The following NDUFAF2 variants were observed in gnomAD, a reference collection of about 807,000 sequenced individuals.
NDUFAF2 encodes the protein NADH:ubiquinone oxidoreductase complex assembly factor 2.
NDUFAF2 carries 13 observed loss-of-function variants against 22.8 expected under a neutral mutation model. The ratio of observed to expected loss-of-function variants is 0.57; its 90% confidence interval spans 0.37 to 0.91. The LOEUF (loss-of-function observed/expected upper bound fraction) is 0.91. Among genes scored for constraint, NDUFAF2 ranks in the 40% least tolerant of loss-of-function variants. The pLI, the probability that NDUFAF2 is intolerant of heterozygous loss-of-function variation, is 0.01. For missense variants in NDUFAF2, 162 were observed against 195.2 expected (o/e 0.83, Z 1.01); for synonymous variants, 53 against 64.2 (o/e 0.83, Z 0.84).
intron 1 of NDUFAF2, among the ~76,000 whole-genome samples, chr5:61,066,098 C>A (rs555401280): frequency 6.6e-6 from 1 of 151,930 alleles, no homozygotes; most frequent in East Asian, 1.9e-4. Context: ...AGAAACCATC[C>A]CATTTATGAC....
At chr5:61,005,016 C>G (rs1751347724) in intron 1 of NDUFAF2, among the ~76,000 whole-genome samples, 1 of 151,886 alleles carries the variant, frequency 6.6e-6, no homozygotes, top group African/African-American at 2.4e-5. Flanking sequence ...TATACATGTG[C>G]CATGTTGGTT....
chr5:60,971,286 C>CTTTTT (rs70977817), intron 1 of NDUFAF2, among the ~76,000 whole-genome samples: 3 of 144,314 alleles, frequency 2.1e-5, no homozygotes, highest in African/African-American at 7.6e-5. Context: ...TTCTTTCTTT[C>CTTTTT]TTTTTTTTTT....
At chr5:60,945,971 C>T (rs557627018) in intron 1 of NDUFAF2, among the ~76,000 whole-genome samples, 3 of 152,248 alleles carry the variant, frequency 2.0e-5, no homozygotes, top group African/African-American at 7.2e-5. Context: ...AGGTCCATAT[C>T]CCCACAAGGC....
chr5:61,010,527 A>G (rs1430329834), intron 1 of NDUFAF2, among the ~76,000 whole-genome samples: 2 of 151,904 alleles, frequency 1.3e-5, no homozygotes, highest in Admixed American at 6.6e-5. Context: ...ATTTAAATAC[A>G]TCTTCCCTGG....
intron 1 of NDUFAF2, among the ~76,000 whole-genome samples, chr5:60,991,574 G>T (rs1751158692): frequency 6.6e-6 from 1 of 152,080 alleles, no homozygotes; most frequent in Non-Finnish European, 1.5e-5. Context: ...TTCTGTGTCT[G>T]GCTTATTTCA....
chr5:60,972,843 T>G (rs1750854477), intron 1 of NDUFAF2, among the ~76,000 whole-genome samples: 1 of 150,058 alleles, frequency 6.7e-6, no homozygotes, highest in South Asian at 2.1e-4. Flanking sequence ...TATAGGAAGG[T>G]TTGTAGTTTT....
chr5:61,152,381 T>C (rs1385664994), intron 3 of NDUFAF2, among the ~76,000 whole-genome samples: 1 of 152,196 alleles, frequency 6.6e-6, no homozygotes, highest in Non-Finnish European at 1.5e-5. Context: ...GTGTTAAGCT[T>C]AGGAAATCTT....
At chr5:60,972,350 A>T (rs1300804922) in intron 1 of NDUFAF2, among the ~76,000 whole-genome samples, 1 of 151,714 alleles carries the variant, frequency 6.6e-6, no homozygotes, top group African/African-American at 2.4e-5. Flanking sequence ...CAAGGGCGGG[A>T]TCAAGTGGAG....
At chr5:60,958,078 G>A (rs573229202) in intron 1 of NDUFAF2, among the ~76,000 whole-genome samples, 2 of 152,302 alleles carry the variant, frequency 1.3e-5, no homozygotes, top group South Asian at 4.1e-4. Flanking sequence ...TTCTAAGCAA[G>A]TCTGTTCACT....
intron 1 of NDUFAF2, among the ~76,000 whole-genome samples, chr5:60,970,801 A>G (rs547044469): frequency 8.5e-5 from 13 of 152,150 alleles, no homozygotes; most frequent in Non-Finnish European, 1.8e-4. Flanking sequence ...GTTTTTCTCC[A>G]TTCTCTCCAT....
chr5:61,128,900 A>G (rs139321502), intron 3 of NDUFAF2, among the ~76,000 whole-genome samples: 1 of 151,366 alleles, frequency 6.6e-6, no homozygotes, highest in Non-Finnish European at 1.5e-5. Context: ...AATCTACTCA[A>G]CTGACAAAGG....
chr5:61,136,765 A>C (rs1270536330), intron 3 of NDUFAF2, among the ~76,000 whole-genome samples: 3 of 152,216 alleles, frequency 2.0e-5, no homozygotes, highest in Admixed American at 2.0e-4. Flanking sequence ...TTTTGCCAGC[A>C]GCCCTCTGAG....
At chr5:61,026,597 C>T (rs1561545077) in intron 1 of NDUFAF2, among the ~76,000 whole-genome samples, 2 of 151,996 alleles carry the variant, frequency 1.3e-5, no homozygotes, top group Admixed American at 6.6e-5. Flanking sequence ...GAATATAATA[C>T]GAGCTTGTTT....
rs578140095 is a variant in NDUFAF2, at chr5:61,106,896, G to A, written c.258+7864G>A. On this transcript the variant is annotated intron_variant, in intron 3 of 3. Coordinates refer to ENST00000296597, the MANE Select transcript of NDUFAF2 (RefSeq NM_174889.5). ...CTTTATGGCTGAATAGCACTTCACT[G>A]TGTGTATATATCACATTTTCTTTAT... Among the ~76,000 whole-genome samples the A allele has an allele frequency of 1.5e-4, 23 of 151,348 alleles. 1 individual carries two copies. The highest frequency in any genetic ancestry group is 5.6e-4 in the African/African-American group (23 of 40,712).
At chr5:61,019,114 T>C (rs1484900428) in intron 1 of NDUFAF2, among the ~76,000 whole-genome samples, 1 of 152,124 alleles carries the variant, frequency 6.6e-6, no homozygotes, top group African/African-American at 2.4e-5. Flanking sequence ...GAAATGATGA[T>C]TATCAAAACG....
chr5:61,031,733 A>G (rs1020664638), intron 1 of NDUFAF2, among the ~76,000 whole-genome samples: 2 of 152,174 alleles, frequency 1.3e-5, no homozygotes, highest in Admixed American at 6.6e-5. Context: ...TCCTTTGAGT[A>G]TATACACAGT....
intron 2 of NDUFAF2, among the ~76,000 whole-genome samples, chr5:61,079,833 T>C (rs1752418563): frequency 6.6e-6 from 1 of 152,192 alleles, no homozygotes; most frequent in African/African-American, 2.4e-5. Flanking sequence ...GACTCCCAGC[T>C]CCATCTTCTT....
At chr5:60,946,989 C>T (rs1750469325) in intron 1 of NDUFAF2, among the ~76,000 whole-genome samples, 1 of 152,182 alleles carries the variant, frequency 6.6e-6, no homozygotes, top group African/African-American at 2.4e-5. Context: ...CAGTAGTATT[C>T]CATTGTATGG....
intron 1 of NDUFAF2, among the ~76,000 whole-genome samples, chr5:60,972,322 C>G (rs972180863): frequency 6.6e-6 from 1 of 151,322 alleles, no homozygotes; most frequent in African/African-American, 2.4e-5. Context: ...TAGTTGTAAT[C>G]TCTAAATCCC....
Sources: allele counts gnomAD v4.1 joint callset (sites outside exome capture counted in the v4.1 genomes callset), GRCh38; gene constraint gnomAD v4.1.1; transcripts MANE v1.5; gene names NCBI Gene and HGNC (gene_info 2026-07-23, HGNC 2026-07-21).